The following KCNMA1 variants were observed in gnomAD, a reference collection of about 807,000 sequenced individuals.
The protein encoded by KCNMA1 is Calcium-activated potassium channel subunit alpha-1.
In KCNMA1, 29 loss-of-function variants were observed where a neutral mutation model predicts 140.0. The observed-to-expected ratio is 0.21, with a 90% CI of 0.15 to 0.28. The LOEUF (loss-of-function observed/expected upper bound fraction) is 0.28. KCNMA1 is among the 10% of genes least tolerant of loss of function. The probability of loss-of-function intolerance (pLI) is 1.00; values close to 1 mark genes in which losing one functional copy is unlikely to be tolerated. For synonymous variants in KCNMA1, 612 were observed against 611.9 expected (o/e 1.00, Z 0.00); for missense variants, 880 against 1,602.2 (o/e 0.55, Z 7.70).
chr10:76,943,037 A>G (rs751500066), intron 23 of KCNMA1, among the ~76,000 whole-genome samples: 1 of 152,224 alleles, frequency 6.6e-6, no homozygotes, highest in Non-Finnish European at 1.5e-5. Context: ...GCCTCCCCCA[A>G]CAGACACCCA....
At chr10:77,324,940 A>ACTCTCTCT (rs3068755) in intron 2 of KCNMA1, among the ~76,000 whole-genome samples, 4,319 of 92,656 alleles carry the variant, frequency 0.047, 63 homozygotes, top group Non-Finnish European at 0.071. Context: ...ATAGCTCTAG[A>ACTCTCTCT]CTCTCTCTCT....
At chr10:77,486,475 T>C (rs2098461996) in intron 1 of KCNMA1, among the ~76,000 whole-genome samples, 1 of 152,226 alleles carries the variant, frequency 6.6e-6, no homozygotes, top group South Asian at 2.1e-4. Context: ...AATGAAGTAA[T>C]GCACACAGAA....
chr10:76,941,018 G>GAAGGAAGGAAGAAAGAAAGAAAGA (rs1554960623), intron 23 of KCNMA1, among the ~76,000 whole-genome samples: 3 of 38,258 alleles, frequency 7.8e-5, no homozygotes, highest in African/African-American at 4.0e-4. Flanking sequence ...AGGAAGGAAG[G>GAAGGAAGGAAGAAAGAAAGAAAGA]AAGAAAGAAA....
At chr10:77,369,491 A>T (rs1389627861) in intron 2 of KCNMA1, among the ~76,000 whole-genome samples, 1 of 152,158 alleles carries the variant, frequency 6.6e-6, no homozygotes, top group Non-Finnish European at 1.5e-5. Flanking sequence ...TCATTAAATC[A>T]ATCTGATTAA....
chr10:77,070,678 A>G (rs1192256567), intron 14 of KCNMA1, among the ~76,000 whole-genome samples: 1 of 151,568 alleles, frequency 6.6e-6, no homozygotes, highest in African/African-American at 2.4e-5. Flanking sequence ...TTTTCCACCT[A>G]CCCCCCACCC....
In KCNMA1 at chr10:77,259,735, C is replaced by T. The variant is rs78108547; in HGVS notation, c.541-8479G>A. Among the ~76,000 whole-genome samples the T allele has an allele frequency of 3.5e-3, 530 of 152,306 alleles. 1 individual carries two copies. The highest frequency in any genetic ancestry group is 0.012 in the African/African-American group (500 of 41,566). ...GCCCATCCTTCAGAAATCAGCTCTG[C>T]TGTCACTTCCCTGCCCACAGGTATT... On this transcript the variant is annotated intron_variant, in intron 2 of 27. Transcript: ENST00000286628.
chr10:77,200,680 C>A, intron 3 of KCNMA1, among the ~76,000 whole-genome samples: 1 of 151,576 alleles, frequency 6.6e-6, no homozygotes, highest in East Asian at 1.9e-4. Context: ...GCTGTTCTTT[C>A]TGCTATTTGG....
In KCNMA1 at chr10:76,889,521, T is replaced by G. The variant is rs2038948998; in HGVS notation, c.3391A>C (p.Asn1131His). 6.2e-7 allele frequency: 1 copy of G among 1,613,856 alleles called. No homozygotes were observed. Among genetic ancestry groups the G allele is most frequent in the African/African-American group, 1.3e-5 (1 of 74,874 alleles). ...CGGTAAATTCCAAAACAAAGCATAT[T>G]ATATGTTTTCAGAGCTTTGCAGAAC... ...DLFCKALKTY[N>H]MLCFGIYRLR... Residue 1131 changes from asparagine (N) to histidine (H), a missense_variant, in exon 27 of 28, where the codon AAT becomes CAT. Around this residue, in one of 13 missense-constraint regions of KCNMA1, gnomAD observed 115 missense variants for 139.9 expected, o/e 0.82. Coordinates refer to ENST00000286628, the MANE Select transcript of KCNMA1 (RefSeq NM_001161352.2).
rs570342622 is a variant in KCNMA1, at chr10:77,472,007, CACAT to C, written c.379-67988_379-67985del. Among the ~76,000 whole-genome samples the C allele has an allele frequency of 2.1e-3, 299 of 145,586 alleles. 1 individual carries two copies. Among genetic ancestry groups the C allele is most frequent in the African/African-American group, 7.4e-3 (284 of 38,400 alleles). On this transcript the variant is annotated intron_variant, in intron 1 of 27. Transcript: ENST00000286628. Reference sequence around the variant, plus strand: ...TAATGCCACATACACACACCACACACACATACACCACACACCACACACATGACAC... The same window carrying C: ...TAATGCCACATACACACACCACACACACACCACACACCACACACATGACAC...
At chr10:77,637,222 G>T (rs775078221) in intron 1 of KCNMA1, 43 bp downstream of exon 1, 8 of 1,532,306 alleles carry the variant, frequency 5.2e-6, no homozygotes, top group Middle Eastern at 1.8e-4. Flanking sequence ...GCCGAGAAGC[G>T]GTGGGGCTGG....
chr10:77,570,337 C>T (rs2070514695), intron 1 of KCNMA1, among the ~76,000 whole-genome samples: 1 of 143,988 alleles, frequency 6.9e-6, no homozygotes, highest in Non-Finnish European at 1.5e-5. Flanking sequence ...GGAACCAACC[C>T]AAATGTCCAA....
chr10:77,253,042 AC>A (rs1324854317), intron 2 of KCNMA1, among the ~76,000 whole-genome samples: 2 of 152,184 alleles, frequency 1.3e-5, no homozygotes, highest in Admixed American at 6.5e-5. Flanking sequence ...AAACAAGCAA[AC>A]AAAAACATGA....
chr10:77,338,478 C>T (rs2089941746), intron 2 of KCNMA1, among the ~76,000 whole-genome samples: 1 of 152,194 alleles, frequency 6.6e-6, no homozygotes, highest in Non-Finnish European at 1.5e-5. Context: ...CAGCCAGAGG[C>T]CCTTACAGAC....
At chr10:76,934,126 C>T (rs1046824094) in intron 23 of KCNMA1, among the ~76,000 whole-genome samples, 1 of 152,052 alleles carries the variant, frequency 6.6e-6, no homozygotes, top group Admixed American at 6.6e-5. Context: ...ATGTGAGCCA[C>T]CACACCAGGC....
At chr10:77,235,242 C>T (rs1195988359) in intron 3 of KCNMA1, among the ~76,000 whole-genome samples, 1 of 152,176 alleles carries the variant, frequency 6.6e-6, no homozygotes, top group East Asian at 1.9e-4. Context: ...CTGTCCCTGG[C>T]TGGAGGTTGT....
intron 3 of KCNMA1, among the ~76,000 whole-genome samples, chr10:77,241,689 T>G (rs2154232915): frequency 6.6e-6 from 1 of 152,188 alleles, no homozygotes. Context: ...GGTGCATTCC[T>G]GTAATCCCAA....
At chr10:77,154,189 CCTT>C (rs913916908) in intron 5 of KCNMA1, among the ~76,000 whole-genome samples, 13 of 152,162 alleles carry the variant, frequency 8.5e-5, no homozygotes, top group African/African-American at 2.9e-4. Context: ...GAAGAAGGTG[CCTT>C]CTTCTCCTTT....
chr10:76,960,273 C>T (rs11001945), intron 20 of KCNMA1, among the ~76,000 whole-genome samples: 2,605 of 152,286 alleles, frequency 0.017, 53 homozygotes, highest in Admixed American at 0.049. Flanking sequence ...AGTATGGTGG[C>T]TCATGCCTGT....
At chr10:76,949,740 T>C (rs1035522708) in intron 21 of KCNMA1, among the ~76,000 whole-genome samples, 1 of 152,200 alleles carries the variant, frequency 6.6e-6, no homozygotes, top group Non-Finnish European at 1.5e-5. Flanking sequence ...TTAGTTTCCA[T>C]GAAATTGTTG....
Sources: gnomAD v4.1 joint callset for allele counts (sites outside exome capture counted in the v4.1 genomes callset) on GRCh38, gnomAD v4.1.1 for gene constraint, gnomAD v4.1.1 regional missense constraint, MANE v1.5 for transcripts, NCBI Gene and HGNC (gene_info 2026-07-23, HGNC 2026-07-21) for gene names.